GDAP1: variants seen among roughly 807,000 people sequenced by gnomAD.
The protein encoded by GDAP1 is ganglioside-induced differentiation-associated protein 1.
Under a neutral mutation model 40.1 loss-of-function variants are expected in GDAP1, and 34 were observed. The ratio of observed to expected loss-of-function variants is 0.85; its 90% CI spans 0.64 to 1.13. GDAP1 has a LOEUF of 1.13. Ranked by LOEUF, GDAP1 falls within the 50% of genes most tolerant of loss-of-function variation. The pLI is 0.00. For missense variants in GDAP1, 374 were observed against 433.7 expected, an observed-to-expected ratio of 0.86 and a Z score of 1.22; for synonymous variants, 170 against 157.4, an observed-to-expected ratio of 1.08 and a Z score of -0.60.
intron 2 of GDAP1, among the ~76,000 whole-genome samples, chr8:74,466,166 TA>T (rs919371883): frequency 7.2e-5 from 11 of 152,130 alleles, no homozygotes; most frequent in Admixed American, 5.9e-4. Context: ...TATGACTTCA[TA>T]AAAAAATGTA....
chr8:74,360,345 T>A, intron 3 of GDAP1, 35 bp downstream of exon 3: 1 of 1,545,874 alleles, frequency 6.5e-7, no homozygotes, highest in Non-Finnish European at 8.9e-7. Context: ...GAATTCTGTC[T>A]GACACTTTCT....
downstream of GDAP1, among the ~76,000 whole-genome samples, chr8:74,368,708 A>T (rs1180419053): frequency 6.6e-6 from 1 of 152,162 alleles, no homozygotes; most frequent in East Asian, 1.9e-4. Flanking sequence ...TTAATCCCCT[A>T]GTCAGGAGTA....
intron 2 of GDAP1, among the ~76,000 whole-genome samples, chr8:74,443,585 G>T (rs1806190469): frequency 6.6e-6 from 1 of 152,144 alleles, no homozygotes; most frequent in African/African-American, 2.4e-5. Context: ...AGGATTGCTT[G>T]AGCTCTGGAG....
intron 1 of GDAP1, 138 bp downstream of exon 1, chr8:74,350,716 C>T (rs1399319952): frequency 2.7e-6 from 2 of 727,532 alleles, no homozygotes; most frequent in Non-Finnish European, 5.0e-6. Flanking sequence ...GGCGCTCCCT[C>T]CAGGCGGGGA....
At chr8:74,405,651 A>C (rs907846939) in intron 2 of GDAP1, among the ~76,000 whole-genome samples, 5 of 150,018 alleles carry the variant, frequency 3.3e-5, no homozygotes, top group African/African-American at 1.3e-4. Context: ...TGTGGACTTA[A>C]TTTTTCTTGA....
At chr8:74,428,195 C>A (rs1003670214) in intron 2 of GDAP1, among the ~76,000 whole-genome samples, 2 of 151,756 alleles carry the variant, frequency 1.3e-5, no homozygotes, top group Non-Finnish European at 2.9e-5. Flanking sequence ...GAGCTCAAGA[C>A]CAGCCTGGGC....
intron 2 of GDAP1, among the ~76,000 whole-genome samples, chr8:74,427,529 G>C (rs1586831839): frequency 6.6e-6 from 1 of 152,062 alleles, no homozygotes; most frequent in African/African-American, 2.4e-5. Flanking sequence ...TTATAAAAAT[G>C]CTTTATTCAT....
chr8:74,425,533 C>T (rs972848332), intron 2 of GDAP1, among the ~76,000 whole-genome samples: 2 of 152,140 alleles, frequency 1.3e-5, no homozygotes, highest in Non-Finnish European at 2.9e-5. Flanking sequence ...AGCAATTACC[C>T]TTATCTGATG....
intron 2 of GDAP1, among the ~76,000 whole-genome samples, chr8:74,426,609 G>T (rs1805950565): frequency 6.6e-6 from 1 of 152,326 alleles, no homozygotes; most frequent in African/African-American, 2.4e-5. Context: ...GAAGTTTCAG[G>T]AATGGGAGTG....
intron 2 of GDAP1, among the ~76,000 whole-genome samples, chr8:74,485,142 A>G (rs900298388): frequency 6.6e-6 from 1 of 152,154 alleles, no homozygotes; most frequent in African/African-American, 2.4e-5. Flanking sequence ...AGCTTAAAAT[A>G]TTACCCATAT....
At chr8:74,422,382 CTTCCTTCCTTCCTTCT>C (rs942826540) in intron 2 of GDAP1, among the ~76,000 whole-genome samples, 3 of 117,426 alleles carry the variant, frequency 2.6e-5, no homozygotes, top group Admixed American at 9.9e-5. Flanking sequence ...TCCTTCCTTC[CTTCCTTCCTTCCTTCT>C]GTCTCTCTCT....
intron 2 of GDAP1, among the ~76,000 whole-genome samples, chr8:74,427,574 C>T (rs1805963193): frequency 1.3e-5 from 2 of 152,174 alleles, no homozygotes. Context: ...ATCTTTGATA[C>T]TCTTTCCAGC....
intron 2 of GDAP1, among the ~76,000 whole-genome samples, chr8:74,397,159 G>C (rs1019730844): frequency 1.9e-4 from 29 of 150,462 alleles, no homozygotes; most frequent in African/African-American, 6.8e-4. Flanking sequence ...GTCTTCTCTT[G>C]AGAAGTGTCT....
chr8:74,351,582 G>C, intron 2 of GDAP1, 116 bp downstream of exon 2: 1 of 883,184 alleles, frequency 1.1e-6, no homozygotes, highest in Middle Eastern at 2.7e-4. Flanking sequence ...TGGTGGTTTG[G>C]GATTAAAAAC....
At chr8:74,393,602 C>G (rs886619402) in intron 2 of GDAP1, among the ~76,000 whole-genome samples, 2 of 152,144 alleles carry the variant, frequency 1.3e-5, no homozygotes, top group Non-Finnish European at 2.9e-5. Flanking sequence ...AAAGAAACTT[C>G]TGTGGACTAG....
In GDAP1 at chr8:74,479,420, C is replaced by G. The variant is rs1039618352; in HGVS notation, c.166-9258C>G. ...TGGACTGAGAAGTGGAAATTAAAAT[C>G]TCCTAATTATAAAAGTGTTTCTATT... On this transcript the variant is annotated intron_variant, in intron 2 of 2. Transcript: ENST00000523640. Among the ~76,000 whole-genome samples, 4 of 152,130 alleles carry G rather than the reference C, an allele frequency of 2.6e-5. No homozygotes were observed. The East Asian group carries it at 7.7e-4, about 29-fold the overall frequency.
chr8:74,440,974 C>T (rs1047619406), intron 2 of GDAP1, among the ~76,000 whole-genome samples: 5 of 143,608 alleles, frequency 3.5e-5, no homozygotes, highest in Admixed American at 7.3e-5. Flanking sequence ...TTAATATGCT[C>T]TTTAAGAAGA....
chr8:74,366,484 A>G lies in GDAP1; in HGVS notation c.*2117A>G, dbSNP rs1331255125. On this transcript the variant is annotated 3_prime_UTR_variant, in exon 6 of 6. Transcript: ENST00000220822. Reference sequence around the variant, plus strand: ...GCTTTGAAAGGGATTACAGTATCACACAATGTCAAGCTAGAGTTAAACACA... The same window carrying G: ...GCTTTGAAAGGGATTACAGTATCACGCAATGTCAAGCTAGAGTTAAACACA... The G allele has an allele frequency of 2.2e-6, 1 of 454,498 alleles. No homozygotes were observed. The highest frequency in any genetic ancestry group is 4.4e-6 in the Non-Finnish European group (1 of 226,750). The allele number at this position is 454,498 out of a possible 1,614,324, so 28.2% of individuals were successfully genotyped here.
At chr8:74,397,439 T>C (rs1044883979) in intron 2 of GDAP1, among the ~76,000 whole-genome samples, 31 of 152,316 alleles carry the variant, frequency 2.0e-4, no homozygotes, top group African/African-American at 7.2e-4. Context: ...CCCATGCCTA[T>C]GTCCTGAATG....
Sources: allele counts gnomAD v4.1 joint callset (sites outside exome capture counted in the v4.1 genomes callset), GRCh38; gene constraint gnomAD v4.1.1; transcripts MANE v1.5; gene names NCBI Gene and HGNC (gene_info 2026-07-23, HGNC 2026-07-21).